CHLSN: variants seen among roughly 807,000 people sequenced by gnomAD.
CHLSN encodes protein cholesin.
the CHLSN span, among the ~76,000 whole-genome samples, chr7:1,133,541 G>A: frequency 6.6e-6 from 1 of 151,868 alleles, no homozygotes; most frequent in African/African-American, 2.4e-5. Context: ...ACGAGGTCAG[G>A]AGATCAAGAC....
At chr7:984,210 C>T in the CHLSN span, among the ~76,000 whole-genome samples, 8 of 152,334 alleles carry the variant, frequency 5.3e-5, no homozygotes, top group South Asian at 2.1e-4. Flanking sequence ...CACCAGATGG[C>T]GAGAGGGCTC....
At chr7:995,286 C>T in the CHLSN span, among the ~76,000 whole-genome samples, 4 of 152,348 alleles carry the variant, frequency 2.6e-5, no homozygotes, top group South Asian at 2.1e-4. Flanking sequence ...CGGCATCTTT[C>T]GCCAGGGAGC....
the CHLSN span, chr7:1,057,588 G>T: frequency 1.3e-6 from 1 of 771,974 alleles, no homozygotes; most frequent in Admixed American, 1.7e-5. Flanking sequence ...CCTGCAGCTG[G>T]GGCTGTCACT....
the CHLSN span, among the ~76,000 whole-genome samples, chr7:994,380 C>T: frequency 3.3e-5 from 5 of 152,112 alleles, no homozygotes; most frequent in Middle Eastern, 3.4e-3. Flanking sequence ...AGGCTGGTCT[C>T]GAACTCCTGA....
the CHLSN span, chr7:988,694 G>A: frequency 3.9e-5 from 62 of 1,599,846 alleles, 1 homozygote; most frequent in Admixed American, 8.3e-4. Context: ...GCTGTTTGCC[G>A]GCCTCCTGCA....
the CHLSN span, among the ~76,000 whole-genome samples, chr7:1,095,363 G>A: frequency 1.4e-4 from 19 of 132,762 alleles, no homozygotes; most frequent in African/African-American, 4.7e-4. Context: ...CCCGACACCC[G>A]GGCACTCTCT....
the CHLSN span, among the ~76,000 whole-genome samples, chr7:1,072,555 G>C: frequency 1.3e-5 from 2 of 152,192 alleles, no homozygotes; most frequent in Admixed American, 6.5e-5. Flanking sequence ...TTTCCAAAAC[G>C]GTCTGTGGGC....
the CHLSN span, among the ~76,000 whole-genome samples, chr7:995,233 G>A: frequency 6.6e-6 from 1 of 152,240 alleles, no homozygotes; most frequent in Non-Finnish European, 1.5e-5. Flanking sequence ...GCATTGCGTG[G>A]TTCTCTGAGC....
the CHLSN span, among the ~76,000 whole-genome samples, chr7:1,106,014 G>C: frequency 6.6e-6 from 1 of 151,196 alleles, no homozygotes; most frequent in Non-Finnish European, 1.5e-5. Context: ...GGGGCAGAGG[G>C]AGTTGCTTTC....
the CHLSN span, among the ~76,000 whole-genome samples, chr7:1,005,996 C>G: frequency 2.6e-5 from 4 of 152,314 alleles, no homozygotes; most frequent in East Asian, 7.7e-4. Flanking sequence ...GTGTTCTTTT[C>G]TTTTTTCAGT....
the CHLSN span, chr7:1,024,478 G>C: frequency 6.6e-6 from 1 of 152,238 alleles, no homozygotes; most frequent in Non-Finnish European, 1.5e-5. Context: ...GAAGCCCCAG[G>C]TGCCTTTGGT....
chr7:1,023,828 G>C, the CHLSN span, among the ~76,000 whole-genome samples: 1 of 152,148 alleles, frequency 6.6e-6, no homozygotes, highest in African/African-American at 2.4e-5. This position sits in a 1 kb window ranked among gnomAD's most constrained non-coding sequence, Gnocchi z 5.0. Flanking sequence ...CCAGGGGACT[G>C]GAGGCCCTTC....
At chr7:1,100,043 C>A in the CHLSN span, among the ~76,000 whole-genome samples, 1 of 152,218 alleles carries the variant, frequency 6.6e-6, no homozygotes, top group Non-Finnish European at 1.5e-5. Context: ...GAGCCCCCGT[C>A]CCCGTTCTGT....
chr7:1,048,238 C>G, the CHLSN span, among the ~76,000 whole-genome samples: 7 of 152,134 alleles, frequency 4.6e-5, no homozygotes, highest in Non-Finnish European at 7.4e-5. Flanking sequence ...TGGGGATCAC[C>G]GGGCGTGGGA....
chr7:998,848 G>A, the CHLSN span, among the ~76,000 whole-genome samples: 69 of 152,280 alleles, frequency 4.5e-4, no homozygotes, highest in Middle Eastern at 3.4e-3. Context: ...CCAAGGGCAC[G>A]AAATGGACTC....
At chr7:1,125,272 CT>C in the CHLSN span, among the ~76,000 whole-genome samples, 3 of 152,366 alleles carry the variant, frequency 2.0e-5, no homozygotes, top group Non-Finnish European at 2.9e-5. Flanking sequence ...CCACCTCCTG[CT>C]GGAAGCCGCT....
At chr7:1,108,435 C>T in the CHLSN span, among the ~76,000 whole-genome samples, 1 of 152,306 alleles carries the variant, frequency 6.6e-6, no homozygotes, top group South Asian at 2.1e-4. Flanking sequence ...CCTTGGCGGG[C>T]CCTGTGGGCA....
chr7:1,011,395 CCA>C, the CHLSN span, among the ~76,000 whole-genome samples: 8 of 148,266 alleles, frequency 5.4e-5, no homozygotes, highest in East Asian at 1.2e-3. Flanking sequence ...ACCCAGACAC[CCA>C]CAGATACCCA....
the CHLSN span, among the ~76,000 whole-genome samples, chr7:1,131,005 T>C: frequency 5.3e-5 from 8 of 151,872 alleles, 1 homozygote; most frequent in South Asian, 1.0e-3. Flanking sequence ...CTGGGCAACA[T>C]AGCGAGGCTC....
Sources: gnomAD v4.1 joint callset for allele counts (sites outside exome capture counted in the v4.1 genomes callset) on GRCh38, gnomAD v4.1.1 for gene constraint, Gnocchi (gnomAD v3.1) non-coding constraint, MANE v1.5 for transcripts, NCBI Gene and HGNC (gene_info 2026-07-23, HGNC 2026-07-21) for gene names.